Variants in KLF13 observed in about 807,000 individuals in gnomAD.
KLF13 encodes KLF transcription factor 13, also known as Krueppel-like factor 13.
KLF13 carries 8 observed loss-of-function variants against 16.7 expected under a neutral mutation model. The observed-to-expected ratio is 0.48, with a 90% CI of 0.28 to 0.87. KLF13 has a LOEUF of 0.87. Ranked by LOEUF, KLF13 falls within the 40% of genes least tolerant of loss-of-function variation. The pLI, the probability that KLF13 is intolerant of heterozygous loss-of-function variation, is 0.10. For synonymous variants in KLF13, 245 were observed against 208.4 expected (o/e 1.18, Z -1.51); for missense variants, 447 against 452.2 (o/e 0.99, Z 0.10).
chr15:31,421,300 G>A (rs1159610812), intron 1 of KLF13, among the ~76,000 whole-genome samples: 1 of 152,084 alleles, frequency 6.6e-6, no homozygotes, highest in Non-Finnish European at 1.5e-5. Flanking sequence ...AAGGACACTT[G>A]ACAGCAACAC....
chr15:31,351,805 T>A (rs1020445684), intron 1 of KLF13, among the ~76,000 whole-genome samples: 3 of 151,242 alleles, frequency 2.0e-5, no homozygotes, highest in Admixed American at 6.6e-5. Flanking sequence ...AGGTCAGGAG[T>A]TCAAGACTAC....
intron 1 of KLF13, among the ~76,000 whole-genome samples, chr15:31,386,864 GA>G (rs1298454870): frequency 4.6e-5 from 7 of 152,356 alleles, no homozygotes; most frequent in East Asian, 3.9e-4. Context: ...CTATGCTCTA[GA>G]AATGGAAGAA....
Position 31,327,353 on chromosome 15 carries a change from C to T in KLF13, c.141C>T (p.Pro47=). ...CCGTGGCCGCCACCCCCACGCTGCC[C>T]CGCGTCGAGGAGCGCCGCGACGGTA... The part of the protein sequence containing the change: ...GAAVAATPTL[P]RVEERRDGKD... Residue 47 remains proline, a synonymous_variant, in exon 1 of 2, where the codon CCC becomes CCT. Coordinates refer to ENST00000307145, the MANE Select transcript of KLF13 (RefSeq NM_015995.4). 7.8e-7 allele frequency: 1 copy of T among 1,281,016 alleles called. No homozygotes were observed. Among genetic ancestry groups the T allele is most frequent in the Non-Finnish European group, 9.8e-7 (1 of 1,015,886 alleles). 79.4% of individuals were successfully genotyped at this position (1,281,016 alleles called of 1,614,324 possible). A position where few individuals can be genotyped will look rare whatever the true frequency, so the allele number is the denominator to read the frequency against.
intron 1 of KLF13, among the ~76,000 whole-genome samples, chr15:31,429,592 T>C (rs2040444186): frequency 6.6e-6 from 1 of 152,282 alleles, no homozygotes; most frequent in African/African-American, 2.4e-5. Context: ...GTAAATGTTA[T>C]GTATATTTTA....
intron 1 of KLF13, among the ~76,000 whole-genome samples, chr15:31,385,064 G>A (rs146376749): frequency 1.8e-3 from 267 of 152,250 alleles, no homozygotes; most frequent in African/African-American, 6.0e-3. Flanking sequence ...ATGTGAGAGG[G>A]ATGATCTCTC....
intron 1 of KLF13, among the ~76,000 whole-genome samples, chr15:31,340,255 C>G (rs1268775062): frequency 2.0e-5 from 3 of 152,272 alleles, no homozygotes; most frequent in Non-Finnish European, 4.4e-5. Flanking sequence ...TACAAAGCCT[C>G]TCTGTGCAGC....
At chr15:31,403,405 A>G (rs1279036733) in intron 2 of KLF13, 1 of 152,226 alleles carries the variant, frequency 6.6e-6, no homozygotes, top group Non-Finnish European at 1.5e-5. Context: ...CCCATCTTTA[A>G]TAATGAAACC....
At chr15:31,423,138 C>CGTATAT (rs2040357337) in intron 1 of KLF13, among the ~76,000 whole-genome samples, 4 of 33,490 alleles carry the variant, frequency 1.2e-4, no homozygotes, top group Non-Finnish European at 2.1e-4. Context: ...TATACGTATA[C>CGTATAT]GTATACGTAT....
rs371667601 is a variant in KLF13, at chr15:31,350,744, G to A, written c.578-21266G>A. Among the ~76,000 whole-genome samples, 5 of 152,236 alleles carry A rather than the reference G, an allele frequency of 3.3e-5. No homozygotes were observed. In the East Asian group the frequency reaches 5.8e-4, roughly 18 times the overall value. ...AGGATCCGCAAGGAAGCTTTGGTCTGGGTACAGCCCTTGAGAAGGGCCTTA... is the reference window on the plus strand; with the variant it reads ...AGGATCCGCAAGGAAGCTTTGGTCTAGGTACAGCCCTTGAGAAGGGCCTTA... On this transcript the variant is annotated intron_variant, in intron 1 of 1. Coordinates refer to ENST00000307145, the MANE Select transcript of KLF13 (RefSeq NM_015995.4).
chr15:31,411,467 C>G (rs1319392342), intron 1 of KLF13, among the ~76,000 whole-genome samples: 1 of 150,098 alleles, frequency 6.7e-6, no homozygotes, highest in Non-Finnish European at 1.5e-5. Context: ...GCGATCTTGG[C>G]TCACTGCAAG....
intron 1 of KLF13, among the ~76,000 whole-genome samples, chr15:31,383,920 TA>T (rs548511916): frequency 2.0e-5 from 3 of 151,152 alleles, no homozygotes; most frequent in African/African-American, 7.3e-5. Context: ...AATAAATAAA[TA>T]AATAAAATAA....
intron 1 of KLF13, among the ~76,000 whole-genome samples, chr15:31,361,302 G>A (rs1353476560): frequency 2.6e-5 from 4 of 152,094 alleles, no homozygotes; most frequent in East Asian, 1.9e-4. Flanking sequence ...CTTTCTTCCC[G>A]GTGTAGCCTA....
At chr15:31,405,304 A>T (rs2040109158), downstream of KLF13, among the ~76,000 whole-genome samples, 1 of 151,884 alleles carries the variant, frequency 6.6e-6, no homozygotes, top group Non-Finnish European at 1.5e-5. Flanking sequence ...ACAAAACGAG[A>T]CTCCGTCTCA....
intron 1 of KLF13, among the ~76,000 whole-genome samples, chr15:31,433,480 G>T (rs1003096578): frequency 6.6e-6 from 1 of 152,102 alleles, no homozygotes; most frequent in Admixed American, 6.5e-5. Flanking sequence ...TTCTCTCAGG[G>T]AGTCCACTCT....
chr15:31,346,437 C>G (rs531906332), intron 1 of KLF13, among the ~76,000 whole-genome samples: 1 of 152,322 alleles, frequency 6.6e-6, no homozygotes, highest in East Asian at 1.9e-4. Flanking sequence ...TACCAGTATT[C>G]AGCCACCCTG....
At chr15:31,362,419 A>G (rs1163920930) in intron 1 of KLF13, among the ~76,000 whole-genome samples, 1 of 152,204 alleles carries the variant, frequency 6.6e-6, no homozygotes, top group Non-Finnish European at 1.5e-5. Context: ...GCCACTGCCC[A>G]GCACATTCTG....
chr15:31,397,876 G>C (rs984481071), intron 2 of KLF13, among the ~76,000 whole-genome samples: 5 of 149,522 alleles, frequency 3.3e-5, no homozygotes, highest in African/African-American at 1.3e-4. Context: ...GGTGGCGGCG[G>C]GGGGGGTGGT....
downstream of KLF13, among the ~76,000 whole-genome samples, chr15:31,379,548 C>G (rs2039698585): frequency 6.6e-6 from 1 of 152,172 alleles, no homozygotes; most frequent in Non-Finnish European, 1.5e-5. Flanking sequence ...GAGCCCCCAT[C>G]CCAGGAATGA....
chr15:31,340,225 A>G (rs963068500), intron 1 of KLF13, among the ~76,000 whole-genome samples: 5 of 152,140 alleles, frequency 3.3e-5, no homozygotes, highest in East Asian at 1.9e-4. Context: ...CTCATGGCCA[A>G]CCTCAGGCGT....
Sources: gnomAD v4.1 joint callset for allele counts (sites outside exome capture counted in the v4.1 genomes callset) on GRCh38, gnomAD v4.1.1 for gene constraint, MANE v1.5 for transcripts, NCBI Gene and HGNC (gene_info 2026-07-23, HGNC 2026-07-21) for gene names.